Variants in PDE1C observed in about 807,000 individuals in gnomAD.
The protein encoded by PDE1C is dual specificity calcium/calmodulin-dependent 3',5'-cyclic nucleotide phosphodiesterase 1C.
Under a neutral mutation model 93.1 loss-of-function variants are expected in PDE1C, and 62 were observed. The observed-to-expected ratio is 0.67, with a 90% CI of 0.54 to 0.82. The LOEUF (loss-of-function observed/expected upper bound fraction) is 0.82, where lower values mean the gene tolerates loss of function less well. Ranked by LOEUF, PDE1C falls within the 40% of genes least tolerant of loss-of-function variation. The probability of loss-of-function intolerance (pLI) is 0.00; values close to 1 mark genes in which losing one functional copy is unlikely to be tolerated. For missense variants in PDE1C, 742 were observed against 884.6 expected, an observed-to-expected ratio of 0.84 and a Z score of 2.04; for synonymous variants, 325 against 310.1, an observed-to-expected ratio of 1.05 and a Z score of -0.50.
intron 1 of PDE1C, among the ~76,000 whole-genome samples, chr7:32,360,773 A>G (rs1029329938): frequency 2.0e-5 from 3 of 152,212 alleles, no homozygotes; most frequent in Non-Finnish European, 4.4e-5. Context: ...AAAGAAAAGT[A>G]TATTTGCTTC....
At chr7:32,183,879 A>AG (rs1803637835) in intron 2 of PDE1C, among the ~76,000 whole-genome samples, 1 of 152,220 alleles carries the variant, frequency 6.6e-6, no homozygotes, top group African/African-American at 2.4e-5. Context: ...ACAAAATGGG[A>AG]GAAAATTTTC....
chr7:32,405,226 AG>A (rs1164602158), intron 1 of PDE1C, among the ~76,000 whole-genome samples: 2 of 150,908 alleles, frequency 1.3e-5, no homozygotes, highest in African/African-American at 4.9e-5. Flanking sequence ...CAGGATTAAA[AG>A]ATAATTAACT....
the PDE1C span, among the ~76,000 whole-genome samples, chr7:31,644,332 C>G: frequency 6.6e-6 from 1 of 152,282 alleles, no homozygotes; most frequent in South Asian, 2.1e-4. Flanking sequence ...TAATCTTGCA[C>G]AAGCCATTTA....
At chr7:31,923,585 T>A (rs187165403) in intron 2 of PDE1C, among the ~76,000 whole-genome samples, 2 of 152,194 alleles carry the variant, frequency 1.3e-5, no homozygotes, top group Non-Finnish European at 2.9e-5. Context: ...TTAGGAATAA[T>A]TGGAAATATT....
At chr7:31,870,237 A>G (rs11769900) in intron 6 of PDE1C, among the ~76,000 whole-genome samples, 39,284 of 151,750 alleles carry the variant, frequency 0.26, 5,456 homozygotes, top group Non-Finnish European at 0.31. Flanking sequence ...GTAAAAAAAC[A>G]AAATAATGAA....
intron 3 of PDE1C, among the ~76,000 whole-genome samples, chr7:32,081,631 C>T (rs1584721399): frequency 6.6e-6 from 1 of 152,160 alleles, no homozygotes; most frequent in Admixed American, 6.6e-5. Context: ...GGACTTTTGA[C>T]CACTTTTTCT....
At chr7:31,790,105 G>T in intron 16 of PDE1C, 2 of 1,531,666 alleles carry the variant, frequency 1.3e-6, no homozygotes, top group Non-Finnish European at 1.7e-6. Context: ...AGGGTCAGGG[G>T]GTGGGGGGCT....
chr7:31,652,869 G>T, the PDE1C span: 7 of 1,584,616 alleles, frequency 4.4e-6, no homozygotes, highest in Non-Finnish European at 6.0e-6. Flanking sequence ...AAATATAAAG[G>T]CCCAGAACAG....
intron 3 of PDE1C, among the ~76,000 whole-genome samples, chr7:32,082,108 T>C (rs1238171355): frequency 6.6e-6 from 1 of 152,200 alleles, no homozygotes; most frequent in Non-Finnish European, 1.5e-5. Flanking sequence ...CCTTTCCTAG[T>C]CAAAGAAAGG....
At chr7:32,161,438 T>C (rs989061131) in intron 3 of PDE1C, among the ~76,000 whole-genome samples, 12 of 152,166 alleles carry the variant, frequency 7.9e-5, no homozygotes, top group African/African-American at 2.9e-4. Flanking sequence ...AAATACTCTA[T>C]TGAAAATCTC....
At chr7:32,320,522 G>A (rs555896482) in intron 1 of PDE1C, among the ~76,000 whole-genome samples, 1 of 150,998 alleles carries the variant, frequency 6.6e-6, no homozygotes, top group African/African-American at 2.4e-5. Flanking sequence ...AAAAGTGGGG[G>A]GAAAAAGGTA....
chr7:32,424,320 A>AACT (rs1345010267), intron 1 of PDE1C, among the ~76,000 whole-genome samples: 2 of 152,158 alleles, frequency 1.3e-5, no homozygotes, highest in African/African-American at 4.8e-5. Context: ...TAATACCCTG[A>AACT]GCTGTACTTT....
chr7:31,684,539 G>A, the PDE1C span, among the ~76,000 whole-genome samples: 185 of 152,084 alleles, frequency 1.2e-3, no homozygotes, highest in African/African-American at 4.3e-3. Context: ...ACTAGTATCT[G>A]GAATATCTAG....
chr7:32,357,490 A>T (rs1187047627), intron 1 of PDE1C, among the ~76,000 whole-genome samples: 2 of 152,212 alleles, frequency 1.3e-5, no homozygotes, highest in African/African-American at 4.8e-5. Context: ...CTAGTTTCAG[A>T]ATGGAACCAT....
intron 7 of PDE1C, among the ~76,000 whole-genome samples, chr7:31,861,206 T>G (rs892547712): frequency 6.6e-6 from 1 of 152,186 alleles, no homozygotes; most frequent in African/African-American, 2.4e-5. Flanking sequence ...ATGGCTTCCA[T>G]GGCCCCAAAC....
upstream of PDE1C, among the ~76,000 whole-genome samples, chr7:32,076,083 GT>G (rs1319452725): frequency 6.6e-6 from 1 of 152,114 alleles, no homozygotes; most frequent in East Asian, 1.9e-4. Flanking sequence ...GAAAACCTGA[GT>G]CTGCCCCCGC....
At chr7:31,923,410 C>A (rs1222223525) in intron 2 of PDE1C, among the ~76,000 whole-genome samples, 1 of 152,090 alleles carries the variant, frequency 6.6e-6, no homozygotes, top group African/African-American at 2.4e-5. Flanking sequence ...AAGACACCTG[C>A]ATTTTTAAAA....
chr7:32,400,852 A>C (rs1784928123), intron 1 of PDE1C, among the ~76,000 whole-genome samples: 1 of 152,228 alleles, frequency 6.6e-6, no homozygotes, highest in African/African-American at 2.4e-5. Flanking sequence ...TCCCCGACAT[A>C]GTTCCTGCTG....
intron 1 of PDE1C, among the ~76,000 whole-genome samples, chr7:32,225,477 C>T (rs115214963): frequency 0.022 from 3,415 of 152,178 alleles, 134 homozygotes; most frequent in African/African-American, 0.076. Flanking sequence ...AGAATCCACT[C>T]GCTAAGGATT....
Sources: gnomAD v4.1 joint callset for allele counts (sites outside exome capture counted in the v4.1 genomes callset) on GRCh38, gnomAD v4.1.1 for gene constraint, MANE v1.5 for transcripts, NCBI Gene and HGNC (gene_info 2026-07-23, HGNC 2026-07-21) for gene names.